Variants in USP54 observed in about 807,000 individuals in gnomAD.
USP54 encodes ubiquitin carboxyl-terminal hydrolase 54.
A neutral mutation model predicts 170.5 loss-of-function variants in USP54; 87 were observed. The observed-to-expected ratio is 0.51, with a 90% CI of 0.43 to 0.61. USP54 has a LOEUF of 0.61. Among genes scored for constraint, USP54 ranks in the 20% least tolerant of loss-of-function variants. The pLI is 0.00. For missense variants in USP54, 1,786 were observed against 2,047.8 expected (o/e 0.87, Z 2.47); for synonymous variants, 655 against 742.8 (o/e 0.88, Z 1.92).
rs989258308 is a variant in USP54, at chr10:73,530,900, T to C, written c.1316-65A>G. ...ACTAACCTCCACCCTCCTGAGAACC[T>C]ACCTAATCTCCCTTTGGGAGTGCCA... On this transcript the variant is annotated intron_variant, in intron 12 of 23. Coordinates refer to ENST00000687698, the MANE Select transcript of USP54 (RefSeq NM_001391956.1). 11 of 1,600,614 alleles carry C rather than the reference T, an allele frequency of 6.9e-6. No individual in the cohort carries two copies. In the Admixed American group the frequency reaches 1.5e-4, roughly 22 times the overall value.
chr10:73,528,763 C>T (rs557449682), intron 15 of USP54, among the ~76,000 whole-genome samples: 8 of 152,236 alleles, frequency 5.3e-5, no homozygotes, highest in African/African-American at 1.9e-4. Flanking sequence ...GGATTACAGG[C>T]GTGAGCCAAC....
At chr10:73,515,012 C>T (rs2060830718) in intron 20 of USP54, among the ~76,000 whole-genome samples, 1 of 151,666 alleles carries the variant, frequency 6.6e-6, no homozygotes, top group Non-Finnish European at 1.5e-5. Context: ...TGCACTCCAG[C>T]CTGGGCAACA....
intron 4 of USP54, among the ~76,000 whole-genome samples, chr10:73,548,960 T>C (rs1271709750): frequency 6.6e-6 from 1 of 152,196 alleles, no homozygotes; most frequent in Non-Finnish European, 1.5e-5. Flanking sequence ...ATAAGACCAT[T>C]TTATAAACCT....
intron 1 of USP54, among the ~76,000 whole-genome samples, chr10:73,605,685 A>G (rs1250517444): frequency 1.3e-5 from 2 of 152,204 alleles, no homozygotes; most frequent in African/African-American, 4.8e-5. Flanking sequence ...GATACATGCT[A>G]CAACACAGAT....
rs1375271647 is a variant in USP54, at chr10:73,558,981, AAT to A, written c.240+12438_240+12439del. ...TGGTTTGTTTTTTCAAATTGTCACA[AAT>A]CTCAAAAAATTTTATAATATATCTA... On this transcript the variant is annotated intron_variant, in intron 4 of 23. Transcript: ENST00000687698. 2.0e-5 allele frequency among the ~76,000 whole-genome samples: 3 copies of A among 152,274 alleles called. No homozygotes were observed. The East Asian group carries it at 5.8e-4, about 29-fold the overall frequency.
At chr10:73,602,482 G>A (rs1245420588) in intron 1 of USP54, among the ~76,000 whole-genome samples, 1 of 151,756 alleles carries the variant, frequency 6.6e-6, no homozygotes, top group Non-Finnish European at 1.5e-5. Flanking sequence ...GAACCCAGGA[G>A]GCAGAGCTTG....
intron 1 of USP54, among the ~76,000 whole-genome samples, chr10:73,614,595 G>GTACA (rs2080463538): frequency 6.9e-6 from 1 of 145,566 alleles, no homozygotes. Context: ...AAACACAGGC[G>GTACA]TACATACATA....
intron 1 of USP54, among the ~76,000 whole-genome samples, chr10:73,590,044 G>C (rs930570161): frequency 1.3e-5 from 2 of 152,158 alleles, no homozygotes; most frequent in African/African-American, 4.8e-5. Context: ...AGCCCACTTA[G>C]TGAATACAAA....
chr10:73,541,298 T>C, intron 9 of USP54, 77 bp downstream of exon 9: 1 of 1,582,470 alleles, frequency 6.3e-7, no homozygotes, highest in East Asian at 2.2e-5. Flanking sequence ...CATACCTGTT[T>C]GTCTAGTGCT....
In USP54 at chr10:73,534,718, G is replaced by A; in HGVS notation, c.1197C>T (p.Ser399=). 6.2e-7 allele frequency: 1 copy of A among 1,614,166 alleles called. No homozygotes were observed. The highest frequency in any genetic ancestry group is 8.5e-7 in the Non-Finnish European group (1 of 1,180,004). The part of the protein sequence containing the change: ...SDTRTDSSTE[S]YPYKHSHHES... The stretch of plus-strand genomic sequence containing the variant: ...CATGGTGGGAATGTTTGTAGGGATA[G>A]CTCTCCGTTGAGGAATCTGTTCGAG... The change falls in exon 12 of 24, where the codon AGC becomes AGT. Residue 399 remains serine (S), a synonymous_variant. Transcript: ENST00000687698.
rs1483440061 is a variant in USP54, at chr10:73,576,374, T to C, written c.-581-13A>G. The C allele has an allele frequency of 1.3e-5, 2 of 151,024 alleles. No individual in the cohort carries two copies. The highest frequency in any genetic ancestry group is 2.4e-5 in the African/African-American group (1 of 41,078). 9.4% of individuals were successfully genotyped at this position (151,024 alleles called of 1,614,324 possible). On this transcript the variant is annotated splice_polypyrimidine_tract_variant and intron_variant, in intron 1 of 23. Coordinates refer to ENST00000687698, the MANE Select transcript of USP54 (RefSeq NM_001391956.1). ...CTGTGTCAGAGAGCTTTAACAGAAA[T>C]AAAAAAAATCAAAAGCTTGCGTCAC...
At chr10:73,568,504 A>C (rs2074336501) in intron 4 of USP54, among the ~76,000 whole-genome samples, 1 of 152,206 alleles carries the variant, frequency 6.6e-6, no homozygotes, top group African/African-American at 2.4e-5. Flanking sequence ...AAAAGAATAG[A>C]AACAACGCCA....
chr10:73,516,968 C>A lies in USP54; in HGVS notation c.3458G>T (p.Arg1153Ile). Residue 1153 changes from arginine to isoleucine, a missense_variant, in exon 20 of 24, where the codon AGA becomes ATA. Around this residue, in one of 3 missense-constraint regions of USP54, gnomAD observed 1,418 missense variants for 1,569.0 expected, o/e 0.90. Transcript: ENST00000687698. ...CTTCCTTAGACTACCTGACAAACTTCTATCCTTGAAACCTGTACTATCCCT... is the reference window on the plus strand; with the variant it reads ...CTTCCTTAGACTACCTGACAAACTTATATCCTTGAAACCTGTACTATCCCT... The part of the protein sequence containing the change: ...SMRDSTGFKD[R>I]SLSGSLRKNS... 1 of 1,614,220 alleles carries A rather than the reference C, an allele frequency of 6.2e-7. No homozygotes were observed. Among genetic ancestry groups the A allele is most frequent in the Non-Finnish European group, 8.5e-7 (1 of 1,180,044 alleles).
In USP54 at chr10:73,624,973, TA is replaced by T. The variant is rs917748226; in HGVS notation, c.-18+593del. Among the ~76,000 whole-genome samples, 150 of 151,824 alleles carry T rather than the reference TA, an allele frequency of 9.9e-4. 2 individuals carry two copies. The highest frequency in any genetic ancestry group is 3.0e-3 in the African/African-American group (125 of 41,460). ...TTAGTGTTCAGCCTGCTGCTGCAAT[TA>T]AAAAAAAATTGTTTTTTAAGTTACA... On this transcript the variant is annotated intron_variant, in intron 1 of 22. Coordinates refer to the USP54 transcript ENST00000339859.
intron 16 of USP54, among the ~76,000 whole-genome samples, 188 bp downstream of exon 16, chr10:73,526,459 C>A (rs550730320): frequency 6.6e-6 from 1 of 152,274 alleles, no homozygotes; most frequent in Non-Finnish European, 1.5e-5. Context: ...GTTGCCCAGG[C>A]TGGTCACGAA....
At chr10:73,569,281 G>A (rs962524396) in intron 4 of USP54, among the ~76,000 whole-genome samples, 6 of 151,988 alleles carry the variant, frequency 3.9e-5, no homozygotes, top group African/African-American at 1.2e-4. Context: ...GACTTACCAT[G>A]GGACTACTGT....
At chr10:73,532,667 G>A (rs1301078870) in intron 12 of USP54, among the ~76,000 whole-genome samples, 1 of 152,130 alleles carries the variant, frequency 6.6e-6, no homozygotes, top group Non-Finnish European at 1.5e-5. Context: ...GCCAGCACAA[G>A]TCTGACAAAA....
intron 1 of USP54, among the ~76,000 whole-genome samples, chr10:73,578,819 T>C (rs2076471359): frequency 6.6e-6 from 1 of 152,102 alleles, no homozygotes; most frequent in Non-Finnish European, 1.5e-5. Flanking sequence ...GAACATTGAG[T>C]CATACCTTAC....
intron 20 of USP54, among the ~76,000 whole-genome samples, chr10:73,514,417 C>T (rs1251975260): frequency 3.9e-5 from 6 of 151,904 alleles, no homozygotes; most frequent in Admixed American, 3.9e-4. Context: ...TAAAAATTAG[C>T]TGGGCGTGGT....
Sources: gnomAD v4.1 joint callset for allele counts (sites outside exome capture counted in the v4.1 genomes callset) on GRCh38, gnomAD v4.1.1 for gene constraint, gnomAD v4.1.1 regional missense constraint, MANE v1.5 for transcripts, NCBI Gene and HGNC (gene_info 2026-07-23, HGNC 2026-07-21) for gene names.